Variants in DCUN1D4 observed in about 807,000 individuals in gnomAD.
The protein encoded by DCUN1D4 is DCN1-like protein 4.
In DCUN1D4, 22 loss-of-function variants were observed where a neutral mutation model predicts 47.9. The ratio of observed to expected loss-of-function variants is 0.46; its 90% CI spans 0.33 to 0.66. The LOEUF (loss-of-function observed/expected upper bound fraction) is 0.66, where lower values mean the gene tolerates loss of function less well. Among genes scored for constraint, DCUN1D4 ranks in the 30% least tolerant of loss-of-function variants. DCUN1D4 has a pLI of 0.02. For synonymous variants in DCUN1D4, 121 were observed against 112.2 expected (o/e 1.08, Z -0.50); for missense variants, 301 against 340.8 (o/e 0.88, Z 0.92).
intron 7 of DCUN1D4, among the ~76,000 whole-genome samples, chr4:51,893,180 T>A (rs1403890840): frequency 6.6e-6 from 1 of 152,194 alleles, no homozygotes; most frequent in Non-Finnish European, 1.5e-5. Flanking sequence ...GATTCTTAAA[T>A]CACATTCTTC....
chr4:51,911,499 T>A (rs536039334), intron 9 of DCUN1D4, among the ~76,000 whole-genome samples: 1 of 152,318 alleles, frequency 6.6e-6, no homozygotes, highest in African/African-American at 2.4e-5. Flanking sequence ...AAAAGAAGAT[T>A]TACTTTCTTT....
At chr4:51,843,341 C>G (rs1363970322) in intron 1 of DCUN1D4, 74 bp downstream of exon 1, 2 of 1,453,092 alleles carry the variant, frequency 1.4e-6, no homozygotes, top group South Asian at 2.6e-5. Context: ...CCCGCAGTCC[C>G]CGCCCCACGC....
At chr4:51,845,117 G>A in intron 1 of DCUN1D4, 1 of 985,462 alleles carries the variant, frequency 1.0e-6, no homozygotes, top group Non-Finnish European at 1.2e-6. Context: ...CACGGGTTGT[G>A]GGAAAACATT....
chr4:51,860,551 G>A (rs1408667855), intron 1 of DCUN1D4: 2 of 454,760 alleles, frequency 4.4e-6, no homozygotes, highest in Admixed American at 2.3e-5. Flanking sequence ...AGGCTTTACA[G>A]GAAGTATGGT....
intron 5 of DCUN1D4, among the ~76,000 whole-genome samples, chr4:51,881,388 T>A (rs1728591621): frequency 6.6e-6 from 1 of 152,046 alleles, no homozygotes; most frequent in African/African-American, 2.4e-5. Context: ...TTGCAACAAA[T>A]AATAAACTGG....
intron 5 of DCUN1D4, among the ~76,000 whole-genome samples, chr4:51,885,512 G>C (rs1275137729): frequency 6.8e-6 from 1 of 147,716 alleles, no homozygotes; most frequent in African/African-American, 2.7e-5. Flanking sequence ...TTGAAAATGT[G>C]AAATGCGGGA....
At chr4:51,867,082 G>A (rs1726060364) in intron 3 of DCUN1D4, among the ~76,000 whole-genome samples, 1 of 152,268 alleles carries the variant, frequency 6.6e-6, no homozygotes, top group South Asian at 2.1e-4. Flanking sequence ...GGCTGCTGCA[G>A]TGGGGCAAGT....
At chr4:51,850,659 C>CA (rs1250484276) in intron 1 of DCUN1D4, among the ~76,000 whole-genome samples, 1 of 151,704 alleles carries the variant, frequency 6.6e-6, no homozygotes, top group Non-Finnish European at 1.5e-5. Flanking sequence ...GGGGAGGGGG[C>CA]AGATAGTAAC....
chr4:51,883,578 A>G (rs1729018206), intron 5 of DCUN1D4, among the ~76,000 whole-genome samples: 1 of 152,240 alleles, frequency 6.6e-6, no homozygotes, highest in South Asian at 2.1e-4. Flanking sequence ...TTTGGAAGCT[A>G]CTAGGCACTG....
At chr4:51,891,715 T>G (rs1306038618) in intron 6 of DCUN1D4, 45 bp from the exon 7 acceptor site, 5 of 1,446,546 alleles carry the variant, frequency 3.5e-6, no homozygotes, top group Non-Finnish European at 9.5e-7. Flanking sequence ...TTCTTTTTAA[T>G]TTGTGTAATA....
chr4:51,880,557 G>T (rs957510975), intron 5 of DCUN1D4, among the ~76,000 whole-genome samples: 1 of 152,146 alleles, frequency 6.6e-6, no homozygotes, highest in Non-Finnish European at 1.5e-5. Context: ...CCAAGTTTCT[G>T]TCTGGCCAGT....
intron 7 of DCUN1D4, among the ~76,000 whole-genome samples, chr4:51,895,559 TAAAAAAAAAAAAAAAAA>T (rs67542268): frequency 1.1e-5 from 1 of 88,500 alleles, no homozygotes; most frequent in Non-Finnish European, 2.4e-5. Flanking sequence ...TGCTTAAACT[TAAAAAAAAAAAAAAAAA>T]AAAAAAAAAA....
In DCUN1D4 at chr4:51,887,370, G is replaced by T; in HGVS notation, c.414+732G>T. 2.4e-5 allele frequency: 5 copies of T among 204,726 alleles called. No homozygotes were observed. In the South Asian group the frequency reaches 3.2e-4, roughly 13 times the overall value. The allele number at this position is 204,726 out of a possible 1,614,324, so 12.7% of individuals were successfully genotyped here. ...CCGGCTCAGCCTCCCAAAGTGCTGGGATTATAGGCGTGAGCCACAGCACCC... is the reference window on the plus strand; with the variant it reads ...CCGGCTCAGCCTCCCAAAGTGCTGGTATTATAGGCGTGAGCCACAGCACCC... On this transcript the variant is annotated intron_variant, in intron 6 of 10. Transcript: ENST00000334635.
intron 1 of DCUN1D4, among the ~76,000 whole-genome samples, chr4:51,860,313 C>T (rs1286948879): frequency 6.6e-6 from 1 of 151,990 alleles, no homozygotes; most frequent in East Asian, 1.9e-4. Context: ...TGAAATGAAC[C>T]TGTTTACTCT....
rs1162467816 is a variant in DCUN1D4, at chr4:51,915,688, G to T, written c.*2104G>T. On this transcript the variant is annotated 3_prime_UTR_variant, in exon 11 of 11. Transcript: ENST00000334635. Reference sequence around the variant, plus strand: ...TAGATGAAGTTATTTTAAACACTATGTTAGAATATAGAGATTTTTAAAAAA... The same window carrying T: ...TAGATGAAGTTATTTTAAACACTATTTTAGAATATAGAGATTTTTAAAAAA... The T allele has an allele frequency of 6.6e-6, 1 of 152,542 alleles. No homozygotes were observed. The highest frequency in any genetic ancestry group is 2.4e-5 in the African/African-American group (1 of 41,448). The allele number at this position is 152,542 out of a possible 1,614,324, so 9.4% of individuals were successfully genotyped here.
chr4:51,834,563 G>A, the DCUN1D4 span, among the ~76,000 whole-genome samples: 6 of 151,960 alleles, frequency 3.9e-5, no homozygotes, highest in East Asian at 9.7e-4. Flanking sequence ...CCTTCTCCAC[G>A]GCTTTCCTCA....
upstream of DCUN1D4, among the ~76,000 whole-genome samples, chr4:51,838,252 G>A (rs905422298): frequency 5.3e-5 from 8 of 151,934 alleles, no homozygotes; most frequent in Non-Finnish European, 1.2e-4. Flanking sequence ...AGGTCAAAAG[G>A]GTAAAATAAA....
chr4:51,835,764 G>C, the DCUN1D4 span, among the ~76,000 whole-genome samples: 1 of 152,110 alleles, frequency 6.6e-6, no homozygotes, highest in East Asian at 1.9e-4. Flanking sequence ...GACTGTGGGT[G>C]GGGGTACCTG....
chr4:51,845,749 A>G (rs1193886585), intron 1 of DCUN1D4, among the ~76,000 whole-genome samples: 3 of 152,260 alleles, frequency 2.0e-5, no homozygotes, highest in African/African-American at 7.2e-5. Flanking sequence ...AATATTACCA[A>G]GAAGTCCTAA....
Sources: gnomAD v4.1 joint callset for allele counts (sites outside exome capture counted in the v4.1 genomes callset) on GRCh38, gnomAD v4.1.1 for gene constraint, MANE v1.5 for transcripts, NCBI Gene and HGNC (gene_info 2026-07-23, HGNC 2026-07-21) for gene names.